KCNN2: variants seen among roughly 807,000 people sequenced by gnomAD.
The protein encoded by KCNN2 is potassium calcium-activated channel subfamily N member 2.
KCNN2 carries 24 observed loss-of-function variants against 55.5 expected under a neutral mutation model. The observed-to-expected ratio is 0.43, with a 90% confidence interval of 0.31 to 0.61. KCNN2 has a LOEUF of 0.61. Ranked by LOEUF, KCNN2 falls within the 20% of genes least tolerant of loss-of-function variation. KCNN2 has a pLI of 0.08. For missense variants in KCNN2, 754 were observed against 853.6 expected, an observed-to-expected ratio of 0.88 and a Z score of 1.45; for synonymous variants, 431 against 336.1, an observed-to-expected ratio of 1.28 and a Z score of -3.09.
intron 2 of KCNN2, among the ~76,000 whole-genome samples, chr5:114,273,429 A>G (rs767963000): frequency 5.9e-5 from 9 of 152,186 alleles, no homozygotes; most frequent in African/African-American, 9.6e-5. Context: ...TAAATCCTTG[A>G]GGAATTGCTG....
intron 2 of KCNN2, among the ~76,000 whole-genome samples, chr5:114,295,945 C>T (rs944375062): frequency 6.6e-6 from 1 of 152,122 alleles, no homozygotes; most frequent in Admixed American, 6.5e-5. Context: ...CCTGCATAAC[C>T]TAAGGTGCCA....
At chr5:114,464,429 G>A (rs1300968963) in intron 4 of KCNN2, among the ~76,000 whole-genome samples, 2 of 152,168 alleles carry the variant, frequency 1.3e-5, no homozygotes, top group Admixed American at 1.3e-4. Flanking sequence ...CAGGTACCCT[G>A]TTCAACACCT....
intron 5 of KCNN2, among the ~76,000 whole-genome samples, chr5:114,485,371 C>G (rs1015217782): frequency 5.9e-5 from 9 of 152,146 alleles, no homozygotes; most frequent in African/African-American, 2.2e-4. Context: ...CAGGGAAAGG[C>G]TATTCCAACC....
At chr5:114,191,080 A>C (rs1277032951) in intron 1 of KCNN2, among the ~76,000 whole-genome samples, 1 of 152,224 alleles carries the variant, frequency 6.6e-6, no homozygotes, top group African/African-American at 2.4e-5. Flanking sequence ...TTGAGTATGA[A>C]TATGTCAAAA....
chr5:114,077,323 CAAA>C (rs1167187741), intron 1 of KCNN2, among the ~76,000 whole-genome samples: 3 of 152,188 alleles, frequency 2.0e-5, no homozygotes, highest in Non-Finnish European at 4.4e-5. Flanking sequence ...GGGGGAACCC[CAAA>C]ACCACTCCAG....
At chr5:114,489,997 A>G (rs1298585484) in intron 6 of KCNN2, among the ~76,000 whole-genome samples, 4 of 152,160 alleles carry the variant, frequency 2.6e-5, no homozygotes, top group African/African-American at 9.7e-5. Context: ...TCCAAACTTC[A>G]TAGCCTCTCT....
intron 3 of KCNN2, among the ~76,000 whole-genome samples, chr5:114,424,239 C>T (rs1759552222): frequency 6.6e-6 from 1 of 152,180 alleles, no homozygotes. Context: ...TTTAATTTGA[C>T]ACTGTTCTTT....
intron 1 of KCNN2, among the ~76,000 whole-genome samples, chr5:114,152,739 A>T (rs938001275): frequency 1.3e-5 from 2 of 152,178 alleles, no homozygotes; most frequent in Non-Finnish European, 2.9e-5. Context: ...TTGATCAGAG[A>T]TCTAAAGGAT....
chr5:114,265,984 G>A (rs928632178), intron 2 of KCNN2, among the ~76,000 whole-genome samples: 17 of 151,950 alleles, frequency 1.1e-4, no homozygotes, highest in African/African-American at 3.1e-4. Context: ...GAGATAGAGG[G>A]CAGTTTACAT....
intron 1 of KCNN2, among the ~76,000 whole-genome samples, chr5:114,163,626 T>G (rs892944370): frequency 1.3e-5 from 2 of 152,184 alleles, no homozygotes; most frequent in African/African-American, 2.4e-5. Flanking sequence ...GCTTTCACTG[T>G]TGTTGCCCCT....
intron 2 of KCNN2, among the ~76,000 whole-genome samples, chr5:114,275,192 T>A (rs187450802): frequency 6.6e-6 from 1 of 152,296 alleles, no homozygotes; most frequent in African/African-American, 2.4e-5. Context: ...GCTGACTTGA[T>A]CGTGGTGGAT....
chr5:114,226,142 A>G (rs1344726764), intron 2 of KCNN2, among the ~76,000 whole-genome samples: 1 of 152,226 alleles, frequency 6.6e-6, no homozygotes, highest in African/African-American at 2.4e-5. Context: ...TAGTATACAA[A>G]TACATTTAAT....
intron 3 of KCNN2, among the ~76,000 whole-genome samples, chr5:114,447,159 T>C (rs1332486733): frequency 6.6e-6 from 1 of 152,202 alleles, no homozygotes; most frequent in Non-Finnish European, 1.5e-5. Context: ...TCAAAGCCTA[T>C]GTAGAACACA....
intron 3 of KCNN2, among the ~76,000 whole-genome samples, chr5:114,413,799 C>T (rs1311656645): frequency 6.6e-6 from 1 of 152,188 alleles, no homozygotes; most frequent in Non-Finnish European, 1.5e-5. Flanking sequence ...TCCTCCTCAT[C>T]CTGTCATCCA....
At chr5:114,380,919 G>A (rs888040409) in intron 2 of KCNN2, among the ~76,000 whole-genome samples, 2 of 152,158 alleles carry the variant, frequency 1.3e-5, no homozygotes, top group East Asian at 3.9e-4. Flanking sequence ...GATTCTGCTG[G>A]ACATTCTCAG....
chr5:114,342,920 C>T (rs1295961187), intron 2 of KCNN2, among the ~76,000 whole-genome samples: 2 of 152,148 alleles, frequency 1.3e-5, no homozygotes, highest in African/African-American at 2.4e-5. Context: ...TAAACGCATG[C>T]CATGGTGGTT....
At chr5:114,111,890 T>C (rs914761474) in intron 1 of KCNN2, among the ~76,000 whole-genome samples, 3 of 152,134 alleles carry the variant, frequency 2.0e-5, no homozygotes, top group Non-Finnish European at 2.9e-5. Context: ...GGAGTGTAAA[T>C]TAGTTCAACC....
At chr5:114,451,624 C>T (rs530670873) in intron 3 of KCNN2, among the ~76,000 whole-genome samples, 77 of 152,196 alleles carry the variant, frequency 5.1e-4, no homozygotes, top group African/African-American at 1.3e-3. Context: ...AGGCTGGAGG[C>T]GGTGGCTCAA....
At chr5:114,261,670 G>A (rs1031998831) in intron 2 of KCNN2, among the ~76,000 whole-genome samples, 4 of 152,164 alleles carry the variant, frequency 2.6e-5, no homozygotes, top group Non-Finnish European at 5.9e-5. Context: ...GTTGTGGGGT[G>A]AGCAGGCAGA....
Sources: allele counts gnomAD v4.1 joint callset (sites outside exome capture counted in the v4.1 genomes callset), GRCh38; gene constraint gnomAD v4.1.1; transcripts MANE v1.5; gene names NCBI Gene and HGNC (gene_info 2026-07-23, HGNC 2026-07-21).